The following EPB41L1 variants were observed in gnomAD, a reference collection of about 807,000 sequenced individuals.
EPB41L1 encodes the protein band 4.1-like protein 1.
EPB41L1 carries 29 observed loss-of-function variants against 97.8 expected under a neutral mutation model. The observed-to-expected ratio is 0.30, with a 90% CI of 0.22 to 0.40. The LOEUF (loss-of-function observed/expected upper bound fraction) is 0.40. EPB41L1 is among the 10% of genes least tolerant of loss of function. The pLI is 1.00. For missense variants in EPB41L1, 812 were observed against 1,162.3 expected (o/e 0.70, Z 4.38); for synonymous variants, 383 against 459.2 (o/e 0.83, Z 2.12).
chr20:36,157,668 C>A (rs2060364400), intron 1 of EPB41L1, among the ~76,000 whole-genome samples: 1 of 152,060 alleles, frequency 6.6e-6, no homozygotes, highest in African/African-American at 2.4e-5. Flanking sequence ...TACTATAGTG[C>A]TGAGGGGTAG....
chr20:36,097,004 C>T lies in EPB41L1; in HGVS notation c.-65+5392C>T, dbSNP rs78735753. ...CCTGGCTGTAGATTTGAGCACTCACCGTGGGTCCAGGCCCATGCTGGGCTC... is the reference window on the plus strand; with the variant it reads ...CCTGGCTGTAGATTTGAGCACTCACTGTGGGTCCAGGCCCATGCTGGGCTC... On this transcript the variant is annotated intron_variant, in intron 1 of 19. Coordinates refer to the EPB41L1 transcript ENST00000202028. 3.3e-4 allele frequency among the ~76,000 whole-genome samples: 51 copies of T among 152,342 alleles called. 1 individual carries two copies. The East Asian group carries it at 9.6e-3, about 29-fold the overall frequency.
At chr20:36,175,390 C>T (rs1435292278) in intron 2 of EPB41L1, among the ~76,000 whole-genome samples, 161 bp from the exon 3 acceptor site, 2 of 152,222 alleles carry the variant, frequency 1.3e-5, no homozygotes, top group African/African-American at 4.8e-5. Context: ...CTCCTGTACA[C>T]ACCAGCCATG....
chr20:36,211,618 C>G (rs2063138928), intron 15 of EPB41L1, among the ~76,000 whole-genome samples: 1 of 152,162 alleles, frequency 6.6e-6, no homozygotes, highest in South Asian at 2.1e-4. Context: ...CTTTGGGAGG[C>G]TGAGGCAGGT....
At chr20:36,214,514 A>C in intron 17 of EPB41L1, 74 bp downstream of exon 17, 1 of 1,245,984 alleles carries the variant, frequency 8.0e-7, no homozygotes, top group Non-Finnish European at 1.1e-6. Context: ...ACAAGCTAAC[A>C]TCGCCTGGCT....
chr20:36,182,957 G>GAA (rs2061529452), intron 6 of EPB41L1, among the ~76,000 whole-genome samples: 1 of 152,172 alleles, frequency 6.6e-6, no homozygotes, highest in South Asian at 2.1e-4. Flanking sequence ...TCCCCACAGA[G>GAA]AAAAGCCTGG....
chr20:36,224,241 C>T (rs2063967266), intron 21 of EPB41L1, among the ~76,000 whole-genome samples: 1 of 152,124 alleles, frequency 6.6e-6, no homozygotes, highest in African/African-American at 2.4e-5. Flanking sequence ...GAAATACATG[C>T]AGGATTTTGA....
At chr20:36,203,314 T>C (rs1265064100) in intron 14 of EPB41L1, among the ~76,000 whole-genome samples, 1 of 152,264 alleles carries the variant, frequency 6.6e-6, no homozygotes, top group East Asian at 1.9e-4. Flanking sequence ...CGTTTCGCCT[T>C]CTGAAATAAG....
Position 36,178,638 on chromosome 20 carries a change from G to T in EPB41L1, c.456G>T (p.Leu152=). The part of the protein sequence containing the change: ...FCDADSQKNW[L]DPSKEIKKQI... ...TCTATCTTTTCTTTTAGAACTGGCT[G>T]GACCCCTCCAAGGAGATCAAGAAGC... Residue 152 remains leucine, a synonymous_variant, in exon 5 of 22, where the codon CTG becomes CTT. Coordinates refer to ENST00000338074, the MANE Select transcript of EPB41L1 (RefSeq NM_012156.2). 4.3e-6 allele frequency: 7 copies of T among 1,614,160 alleles called. No homozygotes were observed. Among genetic ancestry groups the T allele is most frequent in the Non-Finnish European group, 5.9e-6 (7 of 1,180,002 alleles).
Position 36,154,740 on chromosome 20 carries a change from A to T in EPB41L1, c.-171A>T. Reference sequence around the variant, plus strand: ...CCGCCGCCGCCGCCGCCGCTGCTGCAGTCGGCATCCATCAGCGGGCGGGGG... The same window carrying T: ...CCGCCGCCGCCGCCGCCGCTGCTGCTGTCGGCATCCATCAGCGGGCGGGGG... On this transcript the variant is annotated 5_prime_UTR_variant, in exon 1 of 22. Coordinates refer to ENST00000338074, the MANE Select transcript of EPB41L1 (RefSeq NM_012156.2). This position sits in a 1 kb window ranked among gnomAD's most constrained non-coding sequence, Gnocchi z 5.5. The T allele has an allele frequency of 6.1e-6, 6 of 986,368 alleles. No individual in the cohort carries two copies. The highest frequency in any genetic ancestry group is 7.2e-6 in the Non-Finnish European group (6 of 831,042). The allele number at this position is 986,368 out of a possible 1,614,324, so 61.1% of individuals were successfully genotyped here.
chr20:36,192,129 A>G (rs1020439707), intron 11 of EPB41L1, among the ~76,000 whole-genome samples: 4 of 151,786 alleles, frequency 2.6e-5, no homozygotes, highest in Non-Finnish European at 5.9e-5. Context: ...GGGAGGCTGA[A>G]ACAGGAGAAT....
chr20:36,177,297 G>A (rs963713303), intron 3 of EPB41L1, among the ~76,000 whole-genome samples: 5 of 152,144 alleles, frequency 3.3e-5, no homozygotes, highest in African/African-American at 9.7e-5. Context: ...TCTCGGCTTC[G>A]TCATTCTGAA....
chr20:36,176,718 A>C (rs780272618), intron 3 of EPB41L1, among the ~76,000 whole-genome samples: 2 of 149,310 alleles, frequency 1.3e-5, no homozygotes, highest in African/African-American at 5.0e-5. Flanking sequence ...TGCAACCTCA[A>C]TCTCCCAGGT....
rs780670811 is a variant in EPB41L1, at chr20:36,188,397, C to T, written c.924C>T (p.Leu308=). 7.9e-5 allele frequency: 128 copies of T among 1,613,872 alleles called. No individual in the cohort carries two copies. Among genetic ancestry groups the T allele is most frequent in the Non-Finnish European group, 1.0e-4 (122 of 1,180,006 alleles). Residue 308 remains leucine, a synonymous_variant, in exon 9 of 22, where the codon CTC becomes CTT. Transcript: ENST00000338074. ...IMLGVCANGL[L]IYRDRLRINR... ...TAGGCGTTTGTGCCAATGGCCTGCT[C>T]ATCTACCGGGACCGGCTGAGAATCA...
intron 13 of EPB41L1, among the ~76,000 whole-genome samples, chr20:36,197,331 G>A (rs775851278): frequency 1.3e-5 from 2 of 152,210 alleles, no homozygotes; most frequent in African/African-American, 4.8e-5. Context: ...TGGACATCCT[G>A]TTAAGTACAG....
chr20:36,176,621 CT>C (rs1307123687), intron 3 of EPB41L1, among the ~76,000 whole-genome samples: 24 of 146,736 alleles, frequency 1.6e-4, no homozygotes, highest in Admixed American at 1.6e-3. Context: ...TGTATTTTTT[CT>C]TTTTTTTCTT....
chr20:36,136,338 GTTTTTTT>G (rs60257818), intron 2 of EPB41L1, among the ~76,000 whole-genome samples: 3 of 113,978 alleles, frequency 2.6e-5, no homozygotes, highest in African/African-American at 6.6e-5. Context: ...GCCCGGCTAA[GTTTTTTT>G]TTTTTTTTTT....
chr20:36,219,328 C>T (rs941327456), intron 18 of EPB41L1, among the ~76,000 whole-genome samples: 2 of 152,186 alleles, frequency 1.3e-5, no homozygotes, highest in African/African-American at 2.4e-5. Flanking sequence ...TTGGTGCCTG[C>T]CCAGTGACCC....
chr20:36,223,857 T>C (rs1455090243), intron 21 of EPB41L1, among the ~76,000 whole-genome samples: 1 of 152,198 alleles, frequency 6.6e-6, no homozygotes, highest in Non-Finnish European at 1.5e-5. Context: ...CACTTAGAGT[T>C]GTGTACTTCA....
intron 17 of EPB41L1, among the ~76,000 whole-genome samples, chr20:36,217,664 G>A (rs775666189): frequency 3.3e-5 from 5 of 152,194 alleles, no homozygotes; most frequent in Non-Finnish European, 7.3e-5. Context: ...GGGAAAGGAA[G>A]CATTGAGCCC....
Sources: gnomAD v4.1 joint callset for allele counts (sites outside exome capture counted in the v4.1 genomes callset) on GRCh38, gnomAD v4.1.1 for gene constraint, Gnocchi (gnomAD v3.1) non-coding constraint, MANE v1.5 for transcripts, NCBI Gene and HGNC (gene_info 2026-07-23, HGNC 2026-07-21) for gene names.